PPHLN1: variants seen among roughly 807,000 people sequenced by gnomAD.
PPHLN1 encodes periphilin-1.
PPHLN1 carries 29 observed loss-of-function variants against 51.3 expected under a neutral mutation model. The ratio of observed to expected loss-of-function variants is 0.57; its 90% CI spans 0.42 to 0.77. PPHLN1 has a LOEUF of 0.77. Among genes scored for constraint, PPHLN1 ranks in the 30% least tolerant of loss-of-function variants. The pLI is 0.00. For synonymous variants in PPHLN1, 147 were observed against 147.8 expected (o/e 0.99, Z 0.04); for missense variants, 436 against 438.4 (o/e 0.99, Z 0.05).
At chr12:42,368,339 C>G (rs1227907778) in intron 4 of PPHLN1, among the ~76,000 whole-genome samples, 1 of 152,010 alleles carries the variant, frequency 6.6e-6, no homozygotes, top group Non-Finnish European at 1.5e-5. Flanking sequence ...GATTGCTGTC[C>G]TCCCCAAATT....
At chr12:42,360,536 C>T (rs1592384833) in intron 4 of PPHLN1, among the ~76,000 whole-genome samples, 1 of 145,616 alleles carries the variant, frequency 6.9e-6, no homozygotes, top group East Asian at 2.1e-4. Context: ...CACTCTGTCA[C>T]CCAGGCTGGA....
At chr12:42,406,541 C>A (rs920247903) in intron 9 of PPHLN1, among the ~76,000 whole-genome samples, 4 of 152,146 alleles carry the variant, frequency 2.6e-5, no homozygotes, top group African/African-American at 9.7e-5. Context: ...ATGCTGAGGA[C>A]TGTTTCCTGT....
At chr12:42,407,977 G>T (rs1373021750) in intron 9 of PPHLN1, among the ~76,000 whole-genome samples, 1 of 152,140 alleles carries the variant, frequency 6.6e-6, no homozygotes, top group Non-Finnish European at 1.5e-5. Flanking sequence ...AGAAGGTAGG[G>T]ATCACCGGGG....
intron 2 of PPHLN1, among the ~76,000 whole-genome samples, chr12:42,348,276 ATTTTTT>A (rs1213561958): frequency 1.9e-4 from 16 of 85,610 alleles, no homozygotes; most frequent in East Asian, 6.8e-4. Flanking sequence ...CACCTGGCTA[ATTTTTT>A]TTTTTTTTTT....
At chr12:42,417,945 T>G (rs1262411276) in intron 9 of PPHLN1, among the ~76,000 whole-genome samples, 3 of 72,082 alleles carry the variant, frequency 4.2e-5, no homozygotes, top group Admixed American at 3.1e-4. Context: ...TTTTTTTTGT[T>G]TTTTTTTTTT....
intron 9 of PPHLN1, among the ~76,000 whole-genome samples, chr12:42,407,777 T>A (rs1232458282): frequency 6.6e-6 from 1 of 152,246 alleles, no homozygotes; most frequent in Admixed American, 6.5e-5. Context: ...GTGTAAATAA[T>A]TGTTTGTAAA....
chr12:42,331,181 C>G (rs2069680535), intron 1 of PPHLN1, among the ~76,000 whole-genome samples: 1 of 152,198 alleles, frequency 6.6e-6, no homozygotes. Context: ...CTTTGCTGTT[C>G]AGTAACTCTA....
chr12:42,389,514 C>T (rs1377232552), intron 7 of PPHLN1, among the ~76,000 whole-genome samples: 5 of 152,062 alleles, frequency 3.3e-5, no homozygotes, highest in Non-Finnish European at 1.5e-5. Context: ...GAGCTGAGAT[C>T]ACGCCACTGC....
chr12:42,366,224 C>CT (rs34689856), intron 4 of PPHLN1, among the ~76,000 whole-genome samples: 53,840 of 111,238 alleles, frequency 0.48, 14,977 homozygotes, highest in African/African-American at 0.67. Flanking sequence ...GTACCGGACA[C>CT]TTTTTTTTTT....
intron 9 of PPHLN1, chr12:42,432,991 A>G (rs1365472478): frequency 7.0e-7 from 1 of 1,428,582 alleles, no homozygotes; most frequent in South Asian, 1.1e-5. Flanking sequence ...TAAAATCTTT[A>G]TGTGCATTTT....
chr12:42,395,469 C>G (rs1438458685), intron 8 of PPHLN1, among the ~76,000 whole-genome samples: 1 of 152,032 alleles, frequency 6.6e-6, no homozygotes, highest in Non-Finnish European at 1.5e-5. Flanking sequence ...TAAACTTAGT[C>G]CCATATCATA....
At position 42,441,845 on chromosome 12, in the gene PPHLN1, T is replaced by TA; in HGVS notation, c.*337dup. On this transcript the variant is annotated 3_prime_UTR_variant, in exon 10 of 10. Transcript: ENST00000358314. ...CAACACATATACCATCTGAAAATGT[T>TA]AGAATTCTGAGTTGTGATTTTATTG... 1 of 1,023,966 alleles carries TA rather than the reference T, an allele frequency of 9.8e-7. No individual in the cohort carries two copies. Among genetic ancestry groups the TA allele is most frequent in the East Asian group, 8.8e-5 (1 of 11,420 alleles). 63.4% of individuals were successfully genotyped at this position (1,023,966 alleles called of 1,614,324 possible).
chr12:42,434,755 G>A (rs530913172), intron 9 of PPHLN1, among the ~76,000 whole-genome samples: 160 of 152,262 alleles, frequency 1.1e-3, no homozygotes, highest in African/African-American at 3.4e-3. Flanking sequence ...GTGCAACGGC[G>A]CGATCTCAGC....
intron 4 of PPHLN1, among the ~76,000 whole-genome samples, chr12:42,360,894 T>C (rs1489630371): frequency 6.6e-6 from 1 of 152,188 alleles, no homozygotes; most frequent in African/African-American, 2.4e-5. Flanking sequence ...CAAAGTTTCT[T>C]TACTGTTAAG....
intron 9 of PPHLN1, among the ~76,000 whole-genome samples, chr12:42,414,774 C>T (rs1039600886): frequency 2.0e-5 from 3 of 152,302 alleles, no homozygotes; most frequent in Middle Eastern, 6.8e-3. Context: ...TTATTTCTTT[C>T]GCTTGCCTGA....
chr12:42,334,176 A>G (rs1477701028), intron 1 of PPHLN1, among the ~76,000 whole-genome samples: 1 of 152,178 alleles, frequency 6.6e-6, no homozygotes, highest in Non-Finnish European at 1.5e-5. Flanking sequence ...TCAAGCTTCC[A>G]TAGTTCTTGC....
At chr12:42,429,802 A>C (rs889699000) in intron 9 of PPHLN1, among the ~76,000 whole-genome samples, 4 of 152,202 alleles carry the variant, frequency 2.6e-5, no homozygotes, top group African/African-American at 7.2e-5. Context: ...GAAGATGCAA[A>C]GCTCATCCTC....
At chr12:42,426,070 A>G (rs1044404366) in intron 9 of PPHLN1, among the ~76,000 whole-genome samples, 2 of 152,120 alleles carry the variant, frequency 1.3e-5, no homozygotes, top group East Asian at 3.8e-4. Flanking sequence ...ATTTATTTCT[A>G]TCTTAGTGGC....
intron 9 of PPHLN1, among the ~76,000 whole-genome samples, chr12:42,427,398 C>A (rs2081594263): frequency 6.6e-6 from 1 of 152,144 alleles, no homozygotes; most frequent in Non-Finnish European, 1.5e-5. Flanking sequence ...CCAAAAACAT[C>A]ATGGTACTGG....
Sources: gnomAD v4.1 joint callset for allele counts (sites outside exome capture counted in the v4.1 genomes callset) on GRCh38, gnomAD v4.1.1 for gene constraint, MANE v1.5 for transcripts, NCBI Gene and HGNC (gene_info 2026-07-23, HGNC 2026-07-21) for gene names.